DYNAP: variants seen among roughly 807,000 people sequenced by gnomAD.
DYNAP encodes dynactin-associated protein.
DYNAP carries 7 observed loss-of-function variants against 8.5 expected under a neutral mutation model. The observed-to-expected ratio is 0.82, with a 90% CI of 0.47 to 1.54. DYNAP has a LOEUF of 1.54. Ranked by LOEUF, DYNAP falls within the 40% of genes most tolerant of loss-of-function variation. DYNAP has a pLI of 0.01. For missense variants in DYNAP, 256 were observed against 224.3 expected, an observed-to-expected ratio of 1.14 and a Z score of -0.90; for synonymous variants, 77 against 77.9, an observed-to-expected ratio of 0.99 and a Z score of 0.06.
rs1243296561 is a variant in DYNAP at position 54,598,356 on chromosome 18, T to C, written c.*211T>C. ...ACTCAAATAATCACCACTTCGACCA[T>C]CTCTTTGACTGAATCAACAACTACA... On this transcript the variant is annotated 3_prime_UTR_variant, in exon 3 of 3. Transcript: ENST00000648945. 2 of 538,796 alleles carry C rather than the reference T, an allele frequency of 3.7e-6. No homozygotes were observed. Among genetic ancestry groups the C allele is most frequent in the African/African-American group, 1.9e-5 (1 of 53,162 alleles). 33.4% of individuals were successfully genotyped at this position (538,796 alleles called of 1,614,324 possible).
chr18:54,585,546 A>T (rs117235887), upstream of DYNAP, among the ~76,000 whole-genome samples: 7 of 152,210 alleles, frequency 4.6e-5, no homozygotes, highest in East Asian at 1.4e-3. Context: ...ATCCATGTGC[A>T]CTGAGGACCT....
At position 54,591,299 on chromosome 18, in the gene DYNAP, G is replaced by GA. The variant is rs1356006009; in HGVS notation, c.21dup (p.Tyr8IlefsTer6). The GA allele has an allele frequency of 1.2e-6, 2 of 1,612,478 alleles. No homozygotes were observed. The highest frequency in any genetic ancestry group is 2.7e-5 in the African/African-American group (2 of 74,954). On this transcript the variant is annotated frameshift_variant, in exon 1 of 3. Coordinates refer to ENST00000648945, the MANE Select transcript of DYNAP (RefSeq NM_173629.3). LOFTEE classifies it high-confidence loss of function. ...AGCTCAAGAATGGACAGAAAGCATG[G>GA]AAAATACATATTGAACGTTGAGCAC...
upstream of DYNAP, among the ~76,000 whole-genome samples, chr18:54,586,474 C>T (rs1287324046): frequency 6.6e-6 from 1 of 152,142 alleles, no homozygotes; most frequent in Non-Finnish European, 1.5e-5. Context: ...GGTCTAATTC[C>T]AGGTGGCAGC....
intron 1 of DYNAP, among the ~76,000 whole-genome samples, chr18:54,593,568 A>G (rs979166547): frequency 2.6e-5 from 4 of 152,176 alleles, no homozygotes; most frequent in African/African-American, 9.7e-5. Context: ...ACAGCTAGAA[A>G]GTAAACGTTA....
chr18:54,583,715 C>G (rs899536026), upstream of DYNAP, among the ~76,000 whole-genome samples: 7 of 152,122 alleles, frequency 4.6e-5, no homozygotes, highest in Non-Finnish European at 1.0e-4. Context: ...TAAATATTAT[C>G]TTACTCAGCA....
chr18:54,579,349 T>C, the DYNAP span, among the ~76,000 whole-genome samples: 1 of 152,106 alleles, frequency 6.6e-6, no homozygotes, highest in African/African-American at 2.4e-5. Flanking sequence ...AATTCTTGGA[T>C]CTTTGCAATT....
At chr18:54,593,281 A>G (rs189973837) in intron 1 of DYNAP, among the ~76,000 whole-genome samples, 49 of 152,200 alleles carry the variant, frequency 3.2e-4, no homozygotes, top group Non-Finnish European at 5.7e-4. Flanking sequence ...TTTTCATGGA[A>G]CTCACTGGTT....
chr18:54,591,344 G>A lies in DYNAP; in HGVS notation c.57+5G>A, dbSNP rs1911069760. The A allele has an allele frequency of 1.9e-6, 3 of 1,603,286 alleles. No individual in the cohort carries two copies. The East Asian group carries it at 6.8e-5, about 36-fold the overall frequency. On this transcript the variant is annotated splice_donor_5th_base_variant and intron_variant, in intron 1 of 2. Transcript: ENST00000648945. The stretch of plus-strand genomic sequence containing the variant: ...GAGCACTCTGAAAACCAGCCGGTGA[G>A]TGTCCTTGCTCCATTTTGATAGTTT...
upstream of DYNAP, among the ~76,000 whole-genome samples, chr18:54,586,909 A>G (rs148576360): frequency 2.1e-3 from 327 of 152,338 alleles, 3 homozygotes; most frequent in African/African-American, 7.6e-3. Context: ...GAGATTGCCT[A>G]AGGGTAGCAC....
chr18:54,578,782 A>ATTTTATTTTTTATTTTTATTAT, the DYNAP span, among the ~76,000 whole-genome samples: 1 of 151,898 alleles, frequency 6.6e-6, no homozygotes, highest in Non-Finnish European at 1.5e-5. Flanking sequence ...CAATTTTTTT[A>ATTTTATTTTTTATTTTTATTAT]TTTTATTTTT....
chr18:54,576,701 G>A, the DYNAP span, among the ~76,000 whole-genome samples: 1 of 151,982 alleles, frequency 6.6e-6, no homozygotes, highest in Non-Finnish European at 1.5e-5. Flanking sequence ...TATTCGGGAG[G>A]CTGAGGCAGG....
At chr18:54,593,705 G>T (rs191352539) in intron 1 of DYNAP, among the ~76,000 whole-genome samples, 2 of 151,550 alleles carry the variant, frequency 1.3e-5, no homozygotes, top group African/African-American at 4.9e-5. Context: ...CCAGAGGAGT[G>T]CTTGAGCCCA....
At chr18:54,585,992 C>G (rs776646362), upstream of DYNAP, among the ~76,000 whole-genome samples, 1 of 152,150 alleles carries the variant, frequency 6.6e-6, no homozygotes, top group Non-Finnish European at 1.5e-5. Flanking sequence ...AGCCCTTGCA[C>G]CCCACTCCGT....
chr18:54,583,989 AAC>A (rs1198205806), upstream of DYNAP, among the ~76,000 whole-genome samples: 2 of 152,074 alleles, frequency 1.3e-5, no homozygotes, highest in African/African-American at 4.8e-5. Context: ...AAGAAAGACT[AAC>A]AACTCCAAAT....
chr18:54,595,275 G>A (rs1430678981), intron 2 of DYNAP, among the ~76,000 whole-genome samples, 172 bp downstream of exon 2: 3 of 152,078 alleles, frequency 2.0e-5, no homozygotes, highest in African/African-American at 7.2e-5. Flanking sequence ...CAATTCACAA[G>A]AAAATAAATA....
intron 1 of DYNAP, among the ~76,000 whole-genome samples, chr18:54,592,361 A>G (rs1414445188): frequency 6.6e-6 from 1 of 152,096 alleles, no homozygotes; most frequent in East Asian, 1.9e-4. Flanking sequence ...TACAAATATT[A>G]GCTTATATTG....
Position 54,594,971 on chromosome 18 carries a change from C to T in DYNAP, c.90C>T (p.His30=), listed in dbSNP as rs1221005172. 1.9e-6 allele frequency: 3 copies of T among 1,612,270 alleles called. No homozygotes were observed. In the African/African-American group the frequency reaches 4.0e-5, roughly 22 times the overall value. The change falls in exon 2 of 3, where the codon CAC becomes CAT. Residue 30 remains histidine (H), a synonymous_variant. Coordinates refer to ENST00000648945, the MANE Select transcript of DYNAP (RefSeq NM_173629.3). ...CACATCCAAATGACCAAGAGGCTCA[C>T]AGTTCCATATGCTGGTGTCTACCTT... ...PITHPNDQEA[H]SSICWCLPSN...
the DYNAP span, among the ~76,000 whole-genome samples, chr18:54,576,322 A>G: frequency 2.0e-5 from 3 of 152,214 alleles, no homozygotes; most frequent in African/African-American, 4.8e-5. Context: ...ACTGCCAAAC[A>G]GCTTACCAAA....
the DYNAP span, among the ~76,000 whole-genome samples, chr18:54,580,818 T>G: frequency 6.6e-6 from 1 of 152,202 alleles, no homozygotes; most frequent in Admixed American, 6.5e-5. Context: ...ATCCACCTCA[T>G]TTGTCTTTTA....
Sources: gnomAD v4.1 joint callset for allele counts (sites outside exome capture counted in the v4.1 genomes callset) on GRCh38, gnomAD v4.1.1 for gene constraint, MANE v1.5 for transcripts, NCBI Gene and HGNC (gene_info 2026-07-23, HGNC 2026-07-21) for gene names.